GTF2E2: variants seen among roughly 807,000 people sequenced by gnomAD.
The protein encoded by GTF2E2 is general transcription factor IIE subunit 2.
In GTF2E2, 21 loss-of-function variants were observed where a neutral mutation model predicts 40.5. The ratio of observed to expected loss-of-function variants is 0.52; its 90% CI spans 0.37 to 0.75. The LOEUF (loss-of-function observed/expected upper bound fraction) is 0.75. GTF2E2 is among the 30% of genes least tolerant of loss of function. GTF2E2 has a pLI of 0.00. For missense variants in GTF2E2, 298 were observed against 338.4 expected, an observed-to-expected ratio of 0.88 and a Z score of 0.94; for synonymous variants, 117 against 121.6, an observed-to-expected ratio of 0.96 and a Z score of 0.25.
intron 3 of GTF2E2, among the ~76,000 whole-genome samples, chr8:30,629,229 T>A (rs531642355): frequency 1.3e-5 from 2 of 152,320 alleles, no homozygotes; most frequent in African/African-American, 4.8e-5. Flanking sequence ...AATAGATCCA[T>A]ATTCTTGACC....
chr8:30,633,979 A>T (rs1312718500), intron 3 of GTF2E2, among the ~76,000 whole-genome samples: 1 of 152,246 alleles, frequency 6.6e-6, no homozygotes, highest in Non-Finnish European at 1.5e-5. Flanking sequence ...AATCTGATTT[A>T]TATTTTAACC....
At chr8:30,630,127 C>T (rs945364178) in intron 3 of GTF2E2, among the ~76,000 whole-genome samples, 51 of 152,124 alleles carry the variant, frequency 3.4e-4, no homozygotes, top group Non-Finnish European at 7.2e-4. Flanking sequence ...CATAAAGTTC[C>T]TCTTTCATCT....
chr8:30,591,975 T>C (rs1276357889), intron 6 of GTF2E2, among the ~76,000 whole-genome samples: 1 of 152,242 alleles, frequency 6.6e-6, no homozygotes, highest in Non-Finnish European at 1.5e-5. Context: ...TAAGCACTGC[T>C]ATAGCTGCAT....
chr8:30,605,952 T>C (rs903196399), intron 6 of GTF2E2, among the ~76,000 whole-genome samples: 1 of 152,196 alleles, frequency 6.6e-6, no homozygotes, highest in South Asian at 2.1e-4. Flanking sequence ...TGAGCCACCA[T>C]GCCCAGCCTT....
At chr8:30,617,891 A>G (rs1751321910) in intron 3 of GTF2E2, among the ~76,000 whole-genome samples, 1 of 152,182 alleles carries the variant, frequency 6.6e-6, no homozygotes, top group Non-Finnish European at 1.5e-5. Context: ...CAGCTATAGT[A>G]CAGCAGTGGT....
chr8:30,584,823 A>T (rs1382485243), intron 6 of GTF2E2: 1 of 152,186 alleles, frequency 6.6e-6, no homozygotes, highest in Non-Finnish European at 1.5e-5. Context: ...CAGTTACCAC[A>T]TTTCCTGCAC....
At chr8:30,650,597 G>A (rs1802239759) in intron 2 of GTF2E2, among the ~76,000 whole-genome samples, 1 of 152,080 alleles carries the variant, frequency 6.6e-6, no homozygotes, top group East Asian at 1.9e-4. Flanking sequence ...AGCTACCCGG[G>A]AGACTGAGGC....
intron 6 of GTF2E2, among the ~76,000 whole-genome samples, chr8:30,582,188 G>C (rs141159731): frequency 2.0e-5 from 3 of 152,050 alleles, no homozygotes; most frequent in African/African-American, 4.8e-5. Flanking sequence ...GTTGTTTCTG[G>C]GGGGGTGGGG....
chr8:30,620,227 TACACACACACAAACAC>T (rs1406542560), intron 3 of GTF2E2, among the ~76,000 whole-genome samples: 1 of 81,774 alleles, frequency 1.2e-5, no homozygotes, highest in East Asian at 3.2e-4. Flanking sequence ...AGGAAACTTA[TACACACACACAAACAC>T]ACACACACAC....
chr8:30,636,898 A>G (rs1208727531), intron 2 of GTF2E2: 1 of 406,802 alleles, frequency 2.5e-6, no homozygotes, highest in Non-Finnish European at 4.7e-6. Flanking sequence ...GTGCTTTTCC[A>G]TTCACTGTTT....
intron 3 of GTF2E2, among the ~76,000 whole-genome samples, chr8:30,619,281 T>C (rs1260396483): frequency 2.0e-5 from 3 of 152,288 alleles, no homozygotes; most frequent in East Asian, 3.9e-4. Flanking sequence ...TGTTTTATAA[T>C]CTTTATTTTT....
At chr8:30,599,580 C>CAA (rs11374248) in intron 6 of GTF2E2, among the ~76,000 whole-genome samples, 4,489 of 113,830 alleles carry the variant, frequency 0.039, 106 homozygotes, top group African/African-American at 0.063. Flanking sequence ...GTTTGTCTCA[C>CAA]AAAAAAAAAA....
chr8:30,597,358 G>A (rs1455073297), intron 6 of GTF2E2: 1 of 152,192 alleles, frequency 6.6e-6, no homozygotes, highest in Non-Finnish European at 1.5e-5. Context: ...AGGGGGAACA[G>A]TAAGGGACAC....
intron 5 of GTF2E2, among the ~76,000 whole-genome samples, chr8:30,607,626 A>T (rs28686947): frequency 6.6e-6 from 1 of 152,168 alleles, no homozygotes; most frequent in African/African-American, 2.4e-5. Flanking sequence ...TCAATTTTTT[A>T]AAAATTGATA....
At position 30,602,102 on chromosome 8, in the gene GTF2E2, C is replaced by T. The variant is rs535582989; in HGVS notation, c.643+4955G>A. The stretch of plus-strand genomic sequence containing the variant: ...GCACAATCTAGGCTCACTACAACCT[C>T]CACCTCCCAGGTTCATGCGATTCTT... On this transcript the variant is annotated intron_variant, in intron 6 of 7. Transcript: ENST00000355904. Among the ~76,000 whole-genome samples the T allele has an allele frequency of 4.6e-5, 7 of 152,118 alleles. No homozygotes were observed. The South Asian group carries it at 1.5e-3, about 32-fold the overall frequency.
intron 3 of GTF2E2, among the ~76,000 whole-genome samples, chr8:30,631,981 G>A (rs1245852284): frequency 1.3e-5 from 2 of 152,088 alleles, no homozygotes; most frequent in Non-Finnish European, 2.9e-5. Flanking sequence ...ATGGTGGCAC[G>A]TGCCTGTAGT....
chr8:30,585,912 C>T (rs530024697), intron 6 of GTF2E2, among the ~76,000 whole-genome samples: 22 of 151,524 alleles, frequency 1.5e-4, no homozygotes, highest in African/African-American at 5.3e-4. Context: ...TATAGAGACA[C>T]CATCTCAAAA....
rs1563484223 is a variant in GTF2E2 at position 30,607,105 on chromosome 8, T to G, written c.595A>C (p.Lys199Gln). ...ILFVNRPDKK[K>Q]ILFFNDKSCQ... ...CTCTTATCATTGAAGAAAAGTATTT[T>G]CTTCTTATCGGGACGATTTACAAAT... is the stretch of plus-strand genomic sequence containing the variant. The change falls in exon 6 of 8, where the codon AAA becomes CAA. Residue 199 changes from lysine (K) to glutamine (Q), a missense_variant. Transcript: ENST00000355904. 1 of 1,499,606 alleles carries G rather than the reference T, an allele frequency of 6.7e-7. No homozygotes were observed. Among genetic ancestry groups the G allele is most frequent in the African/African-American group, 1.4e-5 (1 of 71,800 alleles). 92.9% of individuals were successfully genotyped at this position (1,499,606 alleles called of 1,614,324 possible).
At chr8:30,601,822 G>T (rs1829189310) in intron 6 of GTF2E2, among the ~76,000 whole-genome samples, 1 of 152,112 alleles carries the variant, frequency 6.6e-6, no homozygotes, top group Admixed American at 6.5e-5. Context: ...TGTATTTTCA[G>T]AACTTTACCA....
Sources: allele counts gnomAD v4.1 joint callset (sites outside exome capture counted in the v4.1 genomes callset), GRCh38; gene constraint gnomAD v4.1.1; transcripts MANE v1.5; gene names NCBI Gene and HGNC (gene_info 2026-07-23, HGNC 2026-07-21).